The following EPB41L4B variants were observed in gnomAD, a reference collection of about 807,000 sequenced individuals.
The protein encoded by EPB41L4B is band 4.1-like protein 4B.
Under a neutral mutation model 112.5 loss-of-function variants are expected in EPB41L4B, and 30 were observed. That is an observed-to-expected ratio of 0.27 (90% confidence interval 0.20 to 0.36). The LOEUF (loss-of-function observed/expected upper bound fraction) is 0.36, where lower values mean the gene tolerates loss of function less well. Ranked by LOEUF, EPB41L4B falls within the 10% of genes least tolerant of loss-of-function variation. The pLI, the probability that EPB41L4B is intolerant of heterozygous loss-of-function variation, is 1.00. For synonymous variants in EPB41L4B, 408 were observed against 439.7 expected (o/e 0.93, Z 0.90); for missense variants, 1,024 against 1,133.3 (o/e 0.90, Z 1.38).
intron 1 of EPB41L4B, among the ~76,000 whole-genome samples, chr9:109,296,851 T>C (rs1194466174): frequency 7.1e-6 from 1 of 140,568 alleles, no homozygotes; most frequent in Non-Finnish European, 1.5e-5. Flanking sequence ...ATCACACCAC[T>C]GCAGAACGAG....
intron 13 of EPB41L4B, 67 bp downstream of exon 13, chr9:109,251,414 G>A: frequency 1.3e-6 from 2 of 1,489,074 alleles, no homozygotes; most frequent in South Asian, 1.1e-5. Context: ...TAAGGAAAAA[G>A]TCAACATTGC....
At chr9:109,178,338 A>G (rs911359742) in intron 24 of EPB41L4B, among the ~76,000 whole-genome samples, 2 of 150,376 alleles carry the variant, frequency 1.3e-5, no homozygotes, top group African/African-American at 2.4e-5. Context: ...AACTTATTAC[A>G]TGAGTTTCTA....
intron 14 of EPB41L4B, 91 bp downstream of exon 14, chr9:109,247,665 G>A: frequency 1.1e-6 from 1 of 912,702 alleles, no homozygotes; most frequent in Admixed American, 3.4e-5. Context: ...GCTCATTATG[G>A]AAAATTTAGA....
rs1418117373 is a variant in EPB41L4B at position 109,194,376 on chromosome 9, T to G, written c.2067A>C (p.Pro689=). Residue 689 remains proline (P), a synonymous_variant, in exon 21 of 26, where the codon CCA becomes CCC. Transcript: ENST00000374566. Reference sequence around the variant, plus strand: ...TCACTCCCACTGCCTCGGCCAGGTCTGGAGGGAGGTCGTCTTCATCACTGC... The same window carrying G: ...TCACTCCCACTGCCTCGGCCAGGTCGGGAGGGAGGTCGTCTTCATCACTGC... ...QYSFDEDDLP[P]DLAEAVGVTT... is the part of the protein sequence containing the mutation. The G allele has an allele frequency of 6.2e-7, 1 of 1,614,142 alleles. No individual in the cohort carries two copies. Among genetic ancestry groups the G allele is most frequent in the African/African-American group, 1.3e-5 (1 of 75,046 alleles).
At chr9:109,281,718 AAATAAATTAATT>A (rs1177643957) in intron 1 of EPB41L4B, among the ~76,000 whole-genome samples, 1,693 of 118,282 alleles carry the variant, frequency 0.014, 33 homozygotes, top group Middle Eastern at 0.021. Context: ...ATAAATAAAT[AAATAAATTAATT>A]AATTAATTTT....
At chr9:109,191,815 T>C (rs1466636459) in intron 22 of EPB41L4B, among the ~76,000 whole-genome samples, 4 of 152,044 alleles carry the variant, frequency 2.6e-5, no homozygotes, top group African/African-American at 4.8e-5. Flanking sequence ...AGGGCTGCCA[T>C]CCCTAAGGGG....
chr9:109,237,099 A>C (rs1344689815), intron 15 of EPB41L4B, among the ~76,000 whole-genome samples: 2 of 152,208 alleles, frequency 1.3e-5, no homozygotes, highest in African/African-American at 4.8e-5. Context: ...TTGTGTTCAG[A>C]GCGGGACCCA....
At chr9:109,304,818 T>C (rs1314312327) in intron 1 of EPB41L4B, among the ~76,000 whole-genome samples, 1 of 152,128 alleles carries the variant, frequency 6.6e-6, no homozygotes, top group Non-Finnish European at 1.5e-5. Flanking sequence ...TCTATTTATA[T>C]GAAATACCCA....
intron 2 of EPB41L4B, among the ~76,000 whole-genome samples, chr9:109,269,664 C>T (rs1205386392): frequency 6.6e-6 from 1 of 152,110 alleles, no homozygotes; most frequent in Non-Finnish European, 1.5e-5. Context: ...GGACTGTTCC[C>T]ATCACTTTAT....
intron 1 of EPB41L4B, 30 bp downstream of exon 1, chr9:109,320,111 C>T: frequency 7.1e-7 from 1 of 1,402,810 alleles, no homozygotes; most frequent in Admixed American, 3.3e-5. Flanking sequence ...GCGCGAGGTG[C>T]CAGTGCCCCA....
intron 5 of EPB41L4B, among the ~76,000 whole-genome samples, chr9:109,264,728 G>T (rs1394927554): frequency 6.6e-6 from 1 of 152,146 alleles, no homozygotes; most frequent in East Asian, 1.9e-4. Context: ...ATGTGATCAG[G>T]GAGAGAGTTA....
intron 16 of EPB41L4B, among the ~76,000 whole-genome samples, chr9:109,215,425 G>A (rs1833326972): frequency 6.6e-6 from 1 of 152,018 alleles, no homozygotes; most frequent in Admixed American, 6.6e-5. Flanking sequence ...GATTATAGGT[G>A]CACGCCACCA....
Position 109,172,505 on chromosome 9 carries a change from A to T in EPB41L4B, c.*2049T>A, listed in dbSNP as rs1231017604. 6.6e-6 allele frequency: 1 copy of T among 152,246 alleles called. No individual in the cohort carries two copies. Among genetic ancestry groups the T allele is most frequent in the African/African-American group, 2.4e-5 (1 of 41,458 alleles). 9.4% of individuals were successfully genotyped at this position (152,246 alleles called of 1,614,324 possible). ...GGATAGCTCCACTGACAGAGCAGAG[A>T]GCAGTAAAAAACCATCAGTGAGAAC... On this transcript the variant is annotated 3_prime_UTR_variant, in exon 26 of 26. Transcript: ENST00000374566.
intron 14 of EPB41L4B, among the ~76,000 whole-genome samples, chr9:109,245,663 C>T (rs1024491231): frequency 6.6e-6 from 1 of 152,212 alleles, no homozygotes; most frequent in African/African-American, 2.4e-5. Context: ...AGCTGGCTGA[C>T]CTTGCAGTGC....
At chr9:109,194,987 A>T (rs954982080) in intron 20 of EPB41L4B, among the ~76,000 whole-genome samples, 14 of 152,238 alleles carry the variant, frequency 9.2e-5, no homozygotes, top group African/African-American at 3.1e-4. Flanking sequence ...TTTTTATAAT[A>T]TAAAAATTCC....
chr9:109,255,135 T>G (rs765971561), intron 11 of EPB41L4B, among the ~76,000 whole-genome samples: 2 of 152,236 alleles, frequency 1.3e-5, no homozygotes, highest in Non-Finnish European at 2.9e-5. Context: ...GTGTCTATAT[T>G]GTCTAATATG....
intron 23 of EPB41L4B, 62 bp downstream of exon 23, chr9:109,185,427 C>G (rs1342297998): frequency 1.6e-5 from 24 of 1,461,716 alleles, no homozygotes; most frequent in Non-Finnish European, 4.8e-6. Flanking sequence ...TCCACCTCGC[C>G]TGGTGGCTCC....
intron 18 of EPB41L4B, among the ~76,000 whole-genome samples, chr9:109,204,875 T>C (rs1273461940): frequency 6.6e-6 from 1 of 152,202 alleles, no homozygotes; most frequent in Non-Finnish European, 1.5e-5. Flanking sequence ...ACTCTCACTA[T>C]GCACTGATGC....
chr9:109,196,020 AT>A (rs1203115783), intron 20 of EPB41L4B, among the ~76,000 whole-genome samples: 1 of 152,126 alleles, frequency 6.6e-6, no homozygotes, highest in Non-Finnish European at 1.5e-5. Flanking sequence ...AGTTGTTTCT[AT>A]TTTAACAATA....
Sources: gnomAD v4.1 joint callset for allele counts (sites outside exome capture counted in the v4.1 genomes callset) on GRCh38, gnomAD v4.1.1 for gene constraint, MANE v1.5 for transcripts, NCBI Gene and HGNC (gene_info 2026-07-23, HGNC 2026-07-21) for gene names.